The following ADGRG1 variants were observed in gnomAD, a reference collection of about 807,000 sequenced individuals.
ADGRG1 encodes 7-transmembrane protein with no EGF-like N-terminal domains-1.
In ADGRG1, 53 loss-of-function variants were observed where a neutral mutation model predicts 73.5. The ratio of observed to expected loss-of-function variants is 0.72; its 90% CI spans 0.58 to 0.91. ADGRG1 has a LOEUF of 0.91. Among genes scored for constraint, ADGRG1 ranks in the 40% least tolerant of loss-of-function variants. The probability of loss-of-function intolerance (pLI) is 0.00; values close to 1 mark genes in which losing one functional copy is unlikely to be tolerated. For missense variants in ADGRG1, 795 were observed against 871.8 expected (o/e 0.91, Z 1.11); for synonymous variants, 394 against 374.4 (o/e 1.05, Z -0.60).
chr16:57,635,339 T>C (rs544855308), intron 1 of ADGRG1: 1 of 985,280 alleles, frequency 1.0e-6, no homozygotes, highest in East Asian at 1.1e-4. Flanking sequence ...TGTGCACACC[T>C]AGGGGACCAG....
chr16:57,656,183 G>T lies in ADGRG1; in HGVS notation c.1018-43G>T, dbSNP rs377412421. 4.2e-5 allele frequency: 67 copies of T among 1,613,358 alleles called. 1 individual carries two copies. The Admixed American group carries it at 8.0e-4, about 19-fold the overall frequency. ...GCCTGGCCTGTAAAGTTGGAGGGGT[G>T]GGGGGCTGTCACAGAAACCACTCTC... is the stretch of plus-strand genomic sequence containing the variant. On this transcript the variant is annotated intron_variant, in intron 7 of 13. Coordinates refer to ENST00000562631, the MANE Select transcript of ADGRG1 (RefSeq NM_201525.4).
At position 57,653,401 on chromosome 16, in the gene ADGRG1, G is replaced by GC. The variant is rs201243970; in HGVS notation, c.620+66_620+67insC. 32,383 of 1,597,530 alleles carry GC rather than the reference G, an allele frequency of 0.02. 799 individuals carry two copies. Among genetic ancestry groups the GC allele is most frequent in the African/African-American group, 0.12 (8,698 of 74,942 alleles). On this transcript the variant is annotated intron_variant, in intron 4 of 13. Transcript: ENST00000562631. The stretch of plus-strand genomic sequence containing the variant: ...CATCAGAGATCTGGACCTGGGCAGG[G>GC]TGGGACCTGGAGTAGGGGCTACTGC...
upstream of ADGRG1, chr16:57,626,503 G>T (rs1299877297): frequency 5.4e-6 from 4 of 740,804 alleles, no homozygotes; most frequent in Non-Finnish European, 6.6e-6. Context: ...TCACCTGCCT[G>T]CCCCTAGCTC....
At chr16:57,663,188 C>T in intron 13 of ADGRG1, 4 of 797,206 alleles carry the variant, frequency 5.0e-6, no homozygotes, top group Non-Finnish European at 6.1e-6. Flanking sequence ...GCCTCCTGGG[C>T]CTCAGTTTCC....
At chr16:57,653,566 C>A in intron 4 of ADGRG1, 1 of 985,392 alleles carries the variant, frequency 1.0e-6, no homozygotes, top group Non-Finnish European at 1.2e-6. Flanking sequence ...CCTCCTCCCC[C>A]TCATAAAGAA....
At position 57,628,683 on chromosome 16, in the gene ADGRG1, G is replaced by C. The variant is rs912168696; in HGVS notation, c.-155G>C. 3.0e-6 allele frequency: 3 copies of C among 985,378 alleles called. No homozygotes were observed. 61.0% of individuals were successfully genotyped at this position (985,378 alleles called of 1,614,324 possible). ...AGGAGATGGGCTGGGAGCCTCCCAC[G>C]CTCTCCAGCTCACTCGGCAGGCAGC... is the stretch of plus-strand genomic sequence containing the variant. On this transcript the variant is annotated 5_prime_UTR_variant, in exon 1 of 14. Transcript: ENST00000562631.
intron 1 of ADGRG1, chr16:57,637,540 G>A (rs749262958): frequency 1.3e-5 from 13 of 985,290 alleles, no homozygotes; most frequent in South Asian, 4.7e-5. Context: ...AACAGAGGCC[G>A]CCTTCTCCGG....
chr16:57,632,047 G>T (rs2038091867), intron 1 of ADGRG1: 5 of 985,380 alleles, frequency 5.1e-6, no homozygotes, highest in Non-Finnish European at 6.0e-6. Flanking sequence ...GACCTTCCCT[G>T]ACCTCAGATT....
chr16:57,651,097 CT>C, intron 2 of ADGRG1, 102 bp from the exon 3 acceptor site: 1 of 1,601,236 alleles, frequency 6.2e-7, no homozygotes, highest in Non-Finnish European at 8.5e-7. Flanking sequence ...GTGTGTGAAT[CT>C]CAGGCTCCAG....
chr16:57,654,414 C>CG lies in ADGRG1; in HGVS notation c.768+281_768+282insG, dbSNP rs1412784429. Among the ~76,000 whole-genome samples the CG allele has an allele frequency of 3.0e-5, 4 of 135,318 alleles. No homozygotes were observed. The South Asian group carries it at 1.1e-3, about 38-fold the overall frequency. The allele number at this position is 135,318 out of a possible 152,430, so 88.8% of individuals were successfully genotyped here. A position where few individuals can be genotyped will look rare whatever the true frequency, so the allele number is the denominator to read the frequency against. On this transcript the variant is annotated intron_variant, in intron 5 of 13. Coordinates refer to ENST00000562631, the MANE Select transcript of ADGRG1 (RefSeq NM_201525.4). ...CCCTAAACGCCTGTCCACGCACCCC[C>CG]CCCCCCCGTTTTTTTTTTTTCGAGA... is the stretch of plus-strand genomic sequence containing the variant.
intron 1 of ADGRG1, among the ~76,000 whole-genome samples, chr16:57,649,007 G>A (rs1335736319): frequency 6.6e-6 from 1 of 152,248 alleles, no homozygotes; most frequent in Admixed American, 6.5e-5. Context: ...GGGAATCAAT[G>A]CAGATGCAGG....
intron 1 of ADGRG1, chr16:57,621,302 G>A (rs1263871024): frequency 6.6e-6 from 1 of 152,032 alleles, no homozygotes; most frequent in East Asian, 1.9e-4. Context: ...GGATGTGTTG[G>A]GGGGCTGGGT....
At chr16:57,624,116 T>C (rs1289671458), upstream of ADGRG1, 2 of 695,900 alleles carry the variant, frequency 2.9e-6, no homozygotes, top group Non-Finnish European at 3.5e-6. Context: ...GAGCACCTAC[T>C]GTGTGCCTTG....
At chr16:57,660,140 C>A in intron 11 of ADGRG1, 2 of 436,434 alleles carry the variant, frequency 4.6e-6, no homozygotes, top group Non-Finnish European at 6.1e-6. Context: ...TCACCTGTGG[C>A]CAGCCCTCTT....
chr16:57,631,302 C>T, intron 1 of ADGRG1: 1 of 985,782 alleles, frequency 1.0e-6, no homozygotes, highest in Non-Finnish European at 1.2e-6. Flanking sequence ...ATGGAGGGAC[C>T]ACTGCGGACC....
chr16:57,661,088 A>G (rs2046968107), intron 12 of ADGRG1: 1 of 182,340 alleles, frequency 5.5e-6, no homozygotes, highest in Non-Finnish European at 1.0e-5. Flanking sequence ...GACCTTGCAC[A>G]GGCCCCGGCC....
At chr16:57,660,976 G>A (rs2046948977) in intron 12 of ADGRG1, 100 bp downstream of exon 12, 2 of 778,002 alleles carry the variant, frequency 2.6e-6, no homozygotes, top group African/African-American at 1.7e-5. Context: ...GGACACCTGG[G>A]TTCCAGTCTC....
At position 57,651,486 on chromosome 16, in the gene ADGRG1, T is replaced by C. The variant is rs2148239988; in HGVS notation, c.351T>C (p.Ser117=). The C allele has an allele frequency of 1.2e-6, 2 of 1,614,226 alleles. No homozygotes were observed. Among genetic ancestry groups the C allele is most frequent in the Middle Eastern group, 1.6e-4 (1 of 6,062 alleles). Residue 117 remains serine (S), a synonymous_variant, in exon 3 of 14, where the codon TCT becomes TCC. Transcript: ENST00000562631. The part of the protein sequence containing the change: ...KRDFLLSDKA[S]SLLCFQHQEE... ...ACTTCTTGCTGAGTGACAAAGCCTC[T>C]AGCCTCCTCTGCTTCCAGCACCAGG...
intron 1 of ADGRG1, chr16:57,631,365 T>C: frequency 1.0e-6 from 1 of 985,988 alleles, no homozygotes; most frequent in Non-Finnish European, 1.2e-6. Flanking sequence ...AGAAGCTGTG[T>C]GCAGGTGGGG....
Sources: allele counts gnomAD v4.1 joint callset (sites outside exome capture counted in the v4.1 genomes callset), GRCh38; gene constraint gnomAD v4.1.1; transcripts MANE v1.5; gene names NCBI Gene and HGNC (gene_info 2026-07-23, HGNC 2026-07-21).